GRM8: variants seen among roughly 807,000 people sequenced by gnomAD.
The protein encoded by GRM8 is metabotropic glutamate receptor 8.
In GRM8, 47 loss-of-function variants were observed where a neutral mutation model predicts 87.2. The observed-to-expected ratio is 0.54, with a 90% confidence interval of 0.43 to 0.69. The LOEUF is 0.69. GRM8 is among the 30% of genes least tolerant of loss of function. The pLI is 0.00. For missense variants in GRM8, 1,019 were observed against 1,139.2 expected (o/e 0.89, Z 1.52); for synonymous variants, 396 against 404.5 (o/e 0.98, Z 0.25).
intron 2 of GRM8, among the ~76,000 whole-genome samples, chr7:127,186,576 C>T (rs528753202): frequency 6.6e-6 from 1 of 152,298 alleles, no homozygotes; most frequent in African/African-American, 2.4e-5. Context: ...TCTGCTCTTG[C>T]ACCACCCCTC....
intron 8 of GRM8, among the ~76,000 whole-genome samples, chr7:126,594,243 T>A (rs902937705): frequency 6.6e-6 from 1 of 152,016 alleles, no homozygotes; most frequent in African/African-American, 2.4e-5. Flanking sequence ...TCGATATATA[T>A]CCAGGGGAAG....
At chr7:126,519,973 CT>C (rs1257024572) in intron 9 of GRM8, among the ~76,000 whole-genome samples, 1 of 150,816 alleles carries the variant, frequency 6.6e-6, no homozygotes, top group Non-Finnish European at 1.5e-5. Context: ...ACTTCCAAGT[CT>C]GGATCTCTGA....
intron 6 of GRM8, among the ~76,000 whole-genome samples, chr7:126,876,887 T>C (rs1443901866): frequency 6.6e-6 from 1 of 151,878 alleles, no homozygotes; most frequent in Non-Finnish European, 1.5e-5. Context: ...TTGCTGAGAC[T>C]AACTTACTGT....
intron 7 of GRM8, among the ~76,000 whole-genome samples, chr7:126,702,981 C>G (rs1810100739): frequency 6.6e-6 from 1 of 151,968 alleles, no homozygotes; most frequent in African/African-American, 2.4e-5. Flanking sequence ...GTTCAAGCCA[C>G]AAGAATAAAG....
At chr7:126,526,916 T>C (rs1413671919) in intron 9 of GRM8, among the ~76,000 whole-genome samples, 1 of 152,180 alleles carries the variant, frequency 6.6e-6, no homozygotes, top group Non-Finnish European at 1.5e-5. Flanking sequence ...TTTTAAAATT[T>C]ACTTCCCCCT....
At chr7:127,244,778 C>G (rs1563605999) in intron 1 of GRM8, among the ~76,000 whole-genome samples, 1 of 152,232 alleles carries the variant, frequency 6.6e-6, no homozygotes, top group East Asian at 1.9e-4. Flanking sequence ...GAAAATATGC[C>G]CAAACACCTT....
intron 6 of GRM8, among the ~76,000 whole-genome samples, chr7:126,879,077 T>C (rs1799794721): frequency 6.7e-6 from 1 of 149,226 alleles, no homozygotes; most frequent in South Asian, 2.1e-4. Flanking sequence ...GCAGGAGAAT[T>C]GCTTGAACTC....
At chr7:127,173,165 C>T (rs751139753) in intron 2 of GRM8, among the ~76,000 whole-genome samples, 5 of 152,080 alleles carry the variant, frequency 3.3e-5, no homozygotes, top group Non-Finnish European at 5.9e-5. Flanking sequence ...AAATAACAAA[C>T]ATAATGAACA....
chr7:127,195,884 T>C (rs905049784), intron 2 of GRM8, among the ~76,000 whole-genome samples: 2 of 152,202 alleles, frequency 1.3e-5, no homozygotes, highest in Admixed American at 6.5e-5. Context: ...TTTTTCCTTA[T>C]ACATCTTTGT....
intron 2 of GRM8, among the ~76,000 whole-genome samples, chr7:127,167,088 G>A (rs1282396995): frequency 1.3e-5 from 2 of 152,176 alleles, no homozygotes; most frequent in Non-Finnish European, 2.9e-5. Context: ...AAGGTTTAGA[G>A]TCTGGCTTCC....
intron 2 of GRM8, among the ~76,000 whole-genome samples, chr7:127,202,971 G>A (rs145758726): frequency 8.7e-4 from 132 of 152,256 alleles, no homozygotes; most frequent in African/African-American, 2.9e-3. Context: ...GCCTAACTAC[G>A]TAGACAATTT....
intron 7 of GRM8, chr7:126,701,778 A>G (rs1311127609): frequency 4.7e-6 from 6 of 1,282,914 alleles, no homozygotes; most frequent in Non-Finnish European, 6.2e-6. Context: ...AAAATGAAGG[A>G]GTAAAAAGAG....
chr7:126,596,431 T>C (rs1797206879), intron 8 of GRM8, among the ~76,000 whole-genome samples: 1 of 152,228 alleles, frequency 6.6e-6, no homozygotes, highest in Non-Finnish European at 1.5e-5. Context: ...TTTTTTCATA[T>C]ACTTGTTGGC....
chr7:127,207,072 T>A (rs1795955673), intron 2 of GRM8, among the ~76,000 whole-genome samples: 1 of 152,182 alleles, frequency 6.6e-6, no homozygotes, highest in Non-Finnish European at 1.5e-5. Flanking sequence ...GCTTAGATAT[T>A]TGAGAGGATG....
intron 3 of GRM8, among the ~76,000 whole-genome samples, chr7:126,935,541 A>T (rs999339705): frequency 6.6e-6 from 1 of 152,258 alleles, no homozygotes; most frequent in Non-Finnish European, 1.5e-5. Flanking sequence ...GACATGGGGG[A>T]GGAGAAGAAC....
chr7:127,128,344 G>T (rs975671571), intron 2 of GRM8, among the ~76,000 whole-genome samples: 8 of 152,136 alleles, frequency 5.3e-5, no homozygotes, highest in African/African-American at 1.9e-4. Flanking sequence ...TAGTTTTGAG[G>T]ATCATACTAC....
intron 9 of GRM8, among the ~76,000 whole-genome samples, chr7:126,488,880 A>G (rs1792863897): frequency 6.6e-6 from 1 of 151,860 alleles, no homozygotes; most frequent in Non-Finnish European, 1.5e-5. Flanking sequence ...TCACAAATAC[A>G]CATGTGCCCC....
At position 127,064,433 on chromosome 7, in the gene GRM8, A is replaced by G. The variant is rs551485466; in HGVS notation, c.727+42063T>C. Among the ~76,000 whole-genome samples, 292 of 151,938 alleles carry G rather than the reference A, an allele frequency of 1.9e-3. 2 individuals carry two copies. Among genetic ancestry groups the G allele is most frequent in the Middle Eastern group, 3.4e-3 (1 of 294 alleles). The stretch of plus-strand genomic sequence containing the variant: ...GAAATCTGTTTTGTTTGAAATTGGG[A>G]TTACAACTCCTGCTTTTTTCTGTTT... On this transcript the variant is annotated intron_variant, in intron 3 of 10. Transcript: ENST00000339582.
intron 3 of GRM8, among the ~76,000 whole-genome samples, chr7:127,074,509 C>G (rs1460539983): frequency 6.6e-6 from 1 of 152,172 alleles, no homozygotes; most frequent in Non-Finnish European, 1.5e-5. Flanking sequence ...TGAGTCTCAG[C>G]TTTGTATATC....
Sources: gnomAD v4.1 joint callset for allele counts (sites outside exome capture counted in the v4.1 genomes callset) on GRCh38, gnomAD v4.1.1 for gene constraint, MANE v1.5 for transcripts, NCBI Gene and HGNC (gene_info 2026-07-23, HGNC 2026-07-21) for gene names.